PTPRM: variants seen among roughly 807,000 people sequenced by gnomAD.
The protein encoded by PTPRM is protein tyrosine phosphatase receptor type M.
Under a neutral mutation model 186.7 loss-of-function variants are expected in PTPRM, and 47 were observed. That is an observed-to-expected ratio of 0.25 (90% CI 0.20 to 0.32). The LOEUF is 0.32. PTPRM is among the 10% of genes least tolerant of loss of function. The pLI, the probability that PTPRM is intolerant of heterozygous loss-of-function variation, is 1.00. For synonymous variants in PTPRM, 668 were observed against 674.9 expected (o/e 0.99, Z 0.16); for missense variants, 1,494 against 1,865.0 (o/e 0.80, Z 3.66).
chr18:8,373,838 T>C (rs2095678722), intron 24 of PTPRM, among the ~76,000 whole-genome samples: 1 of 151,650 alleles, frequency 6.6e-6, no homozygotes. Context: ...TGACCCATGA[T>C]TGCGCCATTG....
chr18:8,270,315 A>G (rs1476869047), intron 19 of PTPRM: 1 of 152,120 alleles, frequency 6.6e-6, no homozygotes, highest in Non-Finnish European at 1.5e-5. Context: ...GTCAATAGGT[A>G]TAATAAAAGG....
chr18:8,079,268 G>T (rs7245244), intron 9 of PTPRM, among the ~76,000 whole-genome samples: 1 of 151,940 alleles, frequency 6.6e-6, no homozygotes, highest in East Asian at 1.9e-4. Context: ...CTTCTCGTAC[G>T]TTACCCTCCA....
intron 7 of PTPRM, among the ~76,000 whole-genome samples, chr18:8,054,800 C>T (rs2087798757): frequency 6.6e-6 from 1 of 152,028 alleles, no homozygotes; most frequent in South Asian, 2.1e-4. Context: ...TGAAGGTGAT[C>T]CTTTATTGCA....
intron 1 of PTPRM, among the ~76,000 whole-genome samples, chr18:7,710,328 A>G (rs1237118265): frequency 6.6e-6 from 1 of 152,222 alleles, no homozygotes; most frequent in Non-Finnish European, 1.5e-5. Flanking sequence ...TAGAAAAAGC[A>G]TTTGACAAAA....
chr18:7,751,848 C>A (rs539102470), intron 1 of PTPRM, among the ~76,000 whole-genome samples: 169 of 147,616 alleles, frequency 1.1e-3, no homozygotes, highest in Non-Finnish European at 2.2e-3. Context: ...TTTCCACATA[C>A]CTTCCTCTCT....
chr18:8,281,366 C>T (rs547209010), intron 19 of PTPRM, among the ~76,000 whole-genome samples: 2 of 152,294 alleles, frequency 1.3e-5, no homozygotes, highest in South Asian at 4.1e-4. Flanking sequence ...CTGGTCTCTC[C>T]TCCTCCACCT....
chr18:7,567,519 A>T lies in PTPRM; in HGVS notation c.-300A>T. On this transcript the variant is annotated 5_prime_UTR_variant, in exon 1 of 33. Transcript: ENST00000580170. The surrounding 1 kb of genome is among the most constrained non-coding windows in gnomAD (Gnocchi z 4.3). ...GGGGAAGGGGAGAGGCGGCGAGCTC[A>T]GCAACCGGAACCGAGGGAAGATTTT... 3.4e-6 allele frequency: 1 copy of T among 292,416 alleles called. No homozygotes were observed. The highest frequency in any genetic ancestry group is 6.0e-5 in the East Asian group (1 of 16,650). The allele number at this position is 292,416 out of a possible 1,614,324, so 18.1% of individuals were successfully genotyped here. A position where few individuals can be genotyped will look rare whatever the true frequency, so the allele number is the denominator to read the frequency against.
chr18:7,951,661 A>T (rs73381856), intron 6 of PTPRM, among the ~76,000 whole-genome samples: 1 of 152,156 alleles, frequency 6.6e-6, no homozygotes, highest in Non-Finnish European at 1.5e-5. Flanking sequence ...GACAATTTGC[A>T]TGCAGTTAGG....
At chr18:8,387,004 C>A in intron 30 of PTPRM, 68 bp from the exon 31 acceptor site, 1 of 1,441,596 alleles carries the variant, frequency 6.9e-7, no homozygotes, top group Non-Finnish European at 9.6e-7. Context: ...GTGGAATCAG[C>A]CCACTGGAAT....
intron 7 of PTPRM, among the ~76,000 whole-genome samples, chr18:7,960,910 CACATA>C (rs2147175497): frequency 6.6e-6 from 1 of 152,194 alleles, no homozygotes; most frequent in East Asian, 1.9e-4. Flanking sequence ...TGTTTAAATA[CACATA>C]ACAAAACTTA....
intron 18 of PTPRM, 89 bp downstream of exon 18, chr18:8,252,588 C>A (rs1180372455): frequency 1.6e-6 from 2 of 1,225,194 alleles, no homozygotes; most frequent in Non-Finnish European, 2.4e-6. Context: ...CCAGCTGGTG[C>A]TGCTCTGTGC....
intron 6 of PTPRM, among the ~76,000 whole-genome samples, chr18:7,952,732 G>A (rs138333875): frequency 9.1e-4 from 136 of 149,720 alleles, no homozygotes; most frequent in African/African-American, 2.7e-3. Flanking sequence ...TTGGCCGGGC[G>A]TGGTGGCTCA....
At chr18:8,117,180 T>C (rs1341620154) in intron 13 of PTPRM, among the ~76,000 whole-genome samples, 1 of 152,238 alleles carries the variant, frequency 6.6e-6, no homozygotes, top group African/African-American at 2.4e-5. Context: ...CATTCCATCT[T>C]GACTACATAG....
chr18:7,882,495 C>G (rs943058747), intron 2 of PTPRM, among the ~76,000 whole-genome samples: 6 of 152,060 alleles, frequency 3.9e-5, no homozygotes, highest in African/African-American at 1.4e-4. Context: ...TTTTGTTTGC[C>G]TCTCGTATTC....
chr18:7,908,031 AG>A (rs1377157486), intron 4 of PTPRM, among the ~76,000 whole-genome samples: 1 of 152,048 alleles, frequency 6.6e-6, no homozygotes, highest in Non-Finnish European at 1.5e-5. Flanking sequence ...ATATTGCTGC[AG>A]TGAGCATTAT....
intron 2 of PTPRM, among the ~76,000 whole-genome samples, chr18:7,826,833 C>T (rs1426492661): frequency 6.6e-6 from 1 of 152,124 alleles, no homozygotes. Context: ...GCGGCTCATG[C>T]CTGTAATCCC....
intron 22 of PTPRM, among the ~76,000 whole-genome samples, chr18:8,333,321 A>T (rs1477726986): frequency 6.6e-6 from 1 of 152,236 alleles, no homozygotes; most frequent in East Asian, 1.9e-4. Context: ...GTTAAGGATT[A>T]TTAATGCTGA....
intron 14 of PTPRM, among the ~76,000 whole-genome samples, chr18:8,161,484 C>T (rs139220579): frequency 6.6e-6 from 1 of 152,070 alleles, no homozygotes; most frequent in African/African-American, 2.4e-5. Flanking sequence ...AAGTATATTA[C>T]AGTGTCACAA....
intron 19 of PTPRM, among the ~76,000 whole-genome samples, chr18:8,274,909 A>G (rs1185449151): frequency 2.6e-5 from 4 of 152,210 alleles, no homozygotes; most frequent in African/African-American, 9.7e-5. Context: ...TGCATGTTGA[A>G]GGATTACTAG....
Sources: gnomAD v4.1 joint callset for allele counts (sites outside exome capture counted in the v4.1 genomes callset) on GRCh38, gnomAD v4.1.1 for gene constraint, Gnocchi (gnomAD v3.1) non-coding constraint, MANE v1.5 for transcripts, NCBI Gene and HGNC (gene_info 2026-07-23, HGNC 2026-07-21) for gene names.